The following DNAJC1 variants were observed in gnomAD, a reference collection of about 807,000 sequenced individuals.
DNAJC1 encodes DnaJ heat shock protein family (Hsp40) member C1.
DNAJC1 carries 58 observed loss-of-function variants against 76.6 expected under a neutral mutation model. The ratio of observed to expected loss-of-function variants is 0.76; its 90% CI spans 0.61 to 0.94. DNAJC1 has a LOEUF of 0.94. Among genes scored for constraint, DNAJC1 ranks in the 40% least tolerant of loss-of-function variants. The pLI is 0.00. For missense variants in DNAJC1, 689 were observed against 677.3 expected (o/e 1.02, Z -0.19); for synonymous variants, 258 against 267.9 (o/e 0.96, Z 0.36).
intron 8 of DNAJC1, among the ~76,000 whole-genome samples, chr10:21,853,007 CCA>C (rs1281341697): frequency 2.6e-5 from 4 of 152,152 alleles, no homozygotes; most frequent in Admixed American, 2.6e-4. Context: ...CACTCTCACT[CCA>C]CAGTTTCAGT....
intron 1 of DNAJC1, among the ~76,000 whole-genome samples, chr10:21,973,564 C>A (rs761881906): frequency 6.6e-6 from 1 of 152,058 alleles, no homozygotes; most frequent in Non-Finnish European, 1.5e-5. Context: ...ATCTAAATTG[C>A]TGAAATGAGC....
At chr10:21,963,212 A>G (rs995662701) in intron 1 of DNAJC1, among the ~76,000 whole-genome samples, 14 of 152,234 alleles carry the variant, frequency 9.2e-5, no homozygotes, top group Admixed American at 6.5e-4. Flanking sequence ...AACTACAGCT[A>G]TTTATAATTA....
chr10:21,872,687 T>C lies in DNAJC1; in HGVS notation c.978+9595A>G, dbSNP rs1836123383. On this transcript the variant is annotated intron_variant, in intron 8 of 11. Coordinates refer to ENST00000376980, the MANE Select transcript of DNAJC1 (RefSeq NM_022365.4). ...AAATCTTCAGAAACATCATTAAGCA[T>C]ATCAATATATGAACAATGGAAGTGC... Among the ~76,000 whole-genome samples, 3 of 152,114 alleles carry C rather than the reference T, an allele frequency of 2.0e-5. No individual in the cohort carries two copies. The South Asian group carries it at 6.2e-4, about 32-fold the overall frequency.
intron 9 of DNAJC1, among the ~76,000 whole-genome samples, chr10:21,793,536 T>G (rs375655548): frequency 6.6e-6 from 1 of 152,196 alleles, no homozygotes; most frequent in Admixed American, 6.5e-5. Flanking sequence ...AAACTTTTTA[T>G]CCACAGAACT....
At position 21,765,628 on chromosome 10, in the gene DNAJC1, A is replaced by G. The variant is rs1468070925; in HGVS notation, c.1147+633T>C. Reference sequence around the variant, plus strand: ...TTGGGAGGCCGAGGTGAGAGGATCAAGAGGTCAGGAGTTCAAGACCAGCCT... The same window carrying G: ...TTGGGAGGCCGAGGTGAGAGGATCAGGAGGTCAGGAGTTCAAGACCAGCCT... On this transcript the variant is annotated intron_variant, in intron 10 of 11. Transcript: ENST00000376980. 2.6e-5 allele frequency among the ~76,000 whole-genome samples: 4 copies of G among 152,076 alleles called. No homozygotes were observed. In the East Asian group the frequency reaches 7.7e-4, roughly 29 times the overall value.
intron 1 of DNAJC1, among the ~76,000 whole-genome samples, chr10:21,937,294 C>G (rs1001336361): frequency 1.2e-4 from 18 of 151,918 alleles, no homozygotes; most frequent in Admixed American, 2.6e-4. Context: ...TCCTTGCAAA[C>G]AGTAATTAAA....
At chr10:21,982,015 T>C (rs1022317114) in intron 1 of DNAJC1, among the ~76,000 whole-genome samples, 2 of 152,180 alleles carry the variant, frequency 1.3e-5, no homozygotes, top group Admixed American at 6.5e-5. Flanking sequence ...CCTTGTCAAA[T>C]TGGTTTCACC....
At position 21,848,405 on chromosome 10, in the gene DNAJC1, T is replaced by C. The variant is rs188072610; in HGVS notation, c.978+33877A>G. The stretch of plus-strand genomic sequence containing the variant: ...TTCCTCCATTCCATAGGCTGTCTCT[T>C]TGTTGCTTCCTTTGTTGTGCAGAAC... On this transcript the variant is annotated intron_variant, in intron 8 of 11. Transcript: ENST00000376980. Among the ~76,000 whole-genome samples, 8 of 152,348 alleles carry C rather than the reference T, an allele frequency of 5.3e-5. No individual in the cohort carries two copies. The East Asian group carries it at 7.7e-4, about 15-fold the overall frequency.
intron 9 of DNAJC1, among the ~76,000 whole-genome samples, chr10:21,771,551 T>G (rs902545622): frequency 6.6e-6 from 1 of 152,332 alleles, no homozygotes; most frequent in East Asian, 1.9e-4. Context: ...CAGGCTGCAG[T>G]GCAATGGCAC....
chr10:21,809,337 A>G (rs1834929822), intron 8 of DNAJC1, among the ~76,000 whole-genome samples: 1 of 151,926 alleles, frequency 6.6e-6, no homozygotes, highest in East Asian at 1.9e-4. Flanking sequence ...TAGATACTGA[A>G]ACTCTCTAAT....
chr10:21,835,094 C>A (rs928968303), intron 8 of DNAJC1, among the ~76,000 whole-genome samples: 3 of 152,124 alleles, frequency 2.0e-5, no homozygotes, highest in African/African-American at 7.2e-5. Flanking sequence ...GGCGGAATGA[C>A]ACCTCACACA....
chr10:21,937,199 G>A (rs1274086967), intron 1 of DNAJC1, among the ~76,000 whole-genome samples: 1 of 152,032 alleles, frequency 6.6e-6, no homozygotes, highest in East Asian at 1.9e-4. Context: ...GGCAAGAGAG[G>A]ATTTACTGTA....
chr10:21,983,096 G>A (rs927059937), intron 1 of DNAJC1, among the ~76,000 whole-genome samples: 1 of 152,148 alleles, frequency 6.6e-6, no homozygotes, highest in Non-Finnish European at 1.5e-5. Flanking sequence ...ATATGATCCA[G>A]CAATTCTTCC....
intron 1 of DNAJC1, among the ~76,000 whole-genome samples, chr10:21,992,135 A>C (rs1838334138): frequency 6.6e-6 from 1 of 152,070 alleles, no homozygotes; most frequent in Admixed American, 6.5e-5. Context: ...ATATGGTGAA[A>C]CCCCGTCTCT....
intron 9 of DNAJC1, among the ~76,000 whole-genome samples, chr10:21,791,866 T>A (rs978156036): frequency 6.6e-5 from 10 of 151,894 alleles, no homozygotes; most frequent in Admixed American, 2.0e-4. Flanking sequence ...AAAGGAATAA[T>A]AGAGTTCAGA....
chr10:21,982,440 C>T (rs1444939836), intron 1 of DNAJC1, among the ~76,000 whole-genome samples: 6 of 151,892 alleles, frequency 4.0e-5, no homozygotes, highest in Non-Finnish European at 7.4e-5. Context: ...CATCAAAGGA[C>T]ACTAGTAAGA....
chr10:21,821,661 G>C (rs75575781), intron 8 of DNAJC1, among the ~76,000 whole-genome samples: 4,402 of 152,036 alleles, frequency 0.029, 102 homozygotes, highest in Middle Eastern at 0.065. Context: ...ATTTCTCCTA[G>C]GATTCATGAT....
chr10:21,827,427 A>G (rs1002689334), intron 8 of DNAJC1, among the ~76,000 whole-genome samples: 10 of 152,184 alleles, frequency 6.6e-5, no homozygotes, highest in Non-Finnish European at 1.3e-4. Flanking sequence ...AATACCACAA[A>G]TTAAGTGGTT....
chr10:21,789,883 G>A (rs775873651), intron 9 of DNAJC1, among the ~76,000 whole-genome samples: 1 of 151,658 alleles, frequency 6.6e-6, no homozygotes, highest in Non-Finnish European at 1.5e-5. Context: ...GGTGGTGCAC[G>A]CCTGTAATCC....
Sources: allele counts gnomAD v4.1 joint callset (sites outside exome capture counted in the v4.1 genomes callset), GRCh38; gene constraint gnomAD v4.1.1; transcripts MANE v1.5; gene names NCBI Gene and HGNC (gene_info 2026-07-23, HGNC 2026-07-21).